NRXN3: variants seen among roughly 807,000 people sequenced by gnomAD.
The protein encoded by NRXN3 is neurexin III.
Under a neutral mutation model 137.6 loss-of-function variants are expected in NRXN3, and 32 were observed. That is an observed-to-expected ratio of 0.23 (90% CI 0.18 to 0.31). NRXN3 has a LOEUF of 0.31. Ranked by LOEUF, NRXN3 falls within the 10% of genes least tolerant of loss-of-function variation. The pLI is 1.00. For missense variants in NRXN3, 1,574 were observed against 2,062.5 expected, an observed-to-expected ratio of 0.76 and a Z score of 4.59; for synonymous variants, 798 against 784.5, an observed-to-expected ratio of 1.02 and a Z score of -0.29.
intron 15 of NRXN3, among the ~76,000 whole-genome samples, chr14:79,011,627 G>C (rs2099571485): frequency 6.6e-6 from 1 of 152,038 alleles, no homozygotes; most frequent in Non-Finnish European, 1.5e-5. Context: ...ATCAATAAAT[G>C]GAACTAGTGA....
At chr14:79,770,679 T>C (rs958238606) in intron 19 of NRXN3, among the ~76,000 whole-genome samples, 1 of 147,400 alleles carries the variant, frequency 6.8e-6, no homozygotes, top group African/African-American at 2.5e-5. Context: ...GCAGGAAAGA[T>C]CCAAAATTGA....
chr14:79,266,327 GCC>G (rs944352801), intron 15 of NRXN3, among the ~76,000 whole-genome samples: 35 of 151,820 alleles, frequency 2.3e-4, no homozygotes, highest in African/African-American at 8.5e-4. Flanking sequence ...CTTTTCAAAA[GCC>G]TTCTGATTTT....
At chr14:78,974,572 A>G (rs1430274646) in intron 14 of NRXN3, among the ~76,000 whole-genome samples, 1 of 152,174 alleles carries the variant, frequency 6.6e-6, no homozygotes, top group Non-Finnish European at 1.5e-5. Context: ...GTTTCCTTTT[A>G]TGGAAGCTGT....
chr14:79,690,770 G>A lies in NRXN3; in HGVS notation c.3617-1403G>A, dbSNP rs79038627. ...AAGGTAGGTACCAGTTTATTCCCAG[G>A]TGGAATCTCCTCAGCCAATAATGAC... On this transcript the variant is annotated intron_variant, in intron 17 of 20. Coordinates refer to ENST00000335750, the MANE Select transcript of NRXN3 (RefSeq NM_001330195.2). 4.8e-3 allele frequency among the ~76,000 whole-genome samples: 732 copies of A among 152,156 alleles called. 6 individuals are homozygous for A. The highest frequency in any genetic ancestry group is 0.017 in the African/African-American group (709 of 41,542).
chr14:79,181,500 T>C (rs559558906), intron 15 of NRXN3, among the ~76,000 whole-genome samples: 3 of 151,870 alleles, frequency 2.0e-5, no homozygotes, highest in South Asian at 4.2e-4. Context: ...CTGGCCAACA[T>C]GATGAAAACC....
intron 4 of NRXN3, among the ~76,000 whole-genome samples, chr14:78,621,247 A>G (rs919406642): frequency 1.3e-5 from 2 of 152,180 alleles, no homozygotes; most frequent in East Asian, 3.9e-4. Flanking sequence ...AAGAAATAAG[A>G]CAGCATTTTT....
chr14:79,769,063 A>G (rs1470157606), intron 19 of NRXN3, among the ~76,000 whole-genome samples: 1 of 152,030 alleles, frequency 6.6e-6, no homozygotes, highest in Non-Finnish European at 1.5e-5. Context: ...TGAGAAGGGA[A>G]GTTTAGAGAA....
chr14:78,301,265 G>A (rs921867253), intron 4 of NRXN3, among the ~76,000 whole-genome samples: 1 of 152,160 alleles, frequency 6.6e-6, no homozygotes, highest in Non-Finnish European at 1.5e-5. Context: ...AACTGGGAGG[G>A]TGTGAAAGAA....
At chr14:78,546,579 T>C (rs972925784) in intron 4 of NRXN3, among the ~76,000 whole-genome samples, 6 of 152,128 alleles carry the variant, frequency 3.9e-5, no homozygotes, top group Non-Finnish European at 7.4e-5. Flanking sequence ...CTTTAAAAAG[T>C]GTGTTTAGTT....
chr14:79,382,268 A>G (rs750024142), intron 15 of NRXN3, among the ~76,000 whole-genome samples: 13 of 152,310 alleles, frequency 8.5e-5, no homozygotes, highest in African/African-American at 2.2e-4. Context: ...TACCAAGACA[A>G]TTTTGGGTAA....
intron 4 of NRXN3, among the ~76,000 whole-genome samples, chr14:78,506,650 T>TG (rs1322859555): frequency 1.1e-4 from 5 of 46,516 alleles, no homozygotes; most frequent in Non-Finnish European, 4.3e-5. Flanking sequence ...GTAGTTTTTT[T>TG]TTTTTTTTTT....
At chr14:78,699,954 G>A (rs2098263593) in intron 6 of NRXN3, among the ~76,000 whole-genome samples, 1 of 152,174 alleles carries the variant, frequency 6.6e-6, no homozygotes, top group Non-Finnish European at 1.5e-5. Flanking sequence ...ATGACGCTTA[G>A]TTTAGAGGAT....
At chr14:79,697,999 G>C in intron 19 of NRXN3, 62 bp downstream of exon 19, 1 of 1,443,984 alleles carries the variant, frequency 6.9e-7, no homozygotes, top group East Asian at 2.3e-5. Flanking sequence ...TTGTTATCAT[G>C]GTCATTGCTT....
At chr14:79,452,652 A>G (rs774942286) in intron 15 of NRXN3, among the ~76,000 whole-genome samples, 4 of 152,176 alleles carry the variant, frequency 2.6e-5, no homozygotes, top group Non-Finnish European at 4.4e-5. Context: ...GAAACTTTCT[A>G]TTTTCTGGGG....
intron 10 of NRXN3, among the ~76,000 whole-genome samples, chr14:78,898,111 T>A (rs905592599): frequency 3.3e-5 from 5 of 151,948 alleles, no homozygotes; most frequent in Non-Finnish European, 5.9e-5. Context: ...CCTTCTTTTT[T>A]AATAAATCTA....
At chr14:79,294,268 C>T (rs958661855) in intron 15 of NRXN3, among the ~76,000 whole-genome samples, 1 of 152,112 alleles carries the variant, frequency 6.6e-6, no homozygotes, top group East Asian at 1.9e-4. Context: ...TGGTAAATAA[C>T]GTAGTGTGTT....
chr14:79,331,305 C>T lies in NRXN3; in HGVS notation c.3263-135916C>T, dbSNP rs115011495. Among the ~76,000 whole-genome samples the T allele has an allele frequency of 7.3e-4, 111 of 152,228 alleles. 1 individual carries two copies. The highest frequency in any genetic ancestry group is 2.6e-3 in the African/African-American group (110 of 41,538). On this transcript the variant is annotated intron_variant, in intron 15 of 20. Transcript: ENST00000335750. ...GCTTATGCACAAGGTATAAAAGTTG[C>T]TTATATTCCTAACCTCTCCACAGAG...
intron 16 of NRXN3, among the ~76,000 whole-genome samples, chr14:79,636,711 A>T (rs1244550016): frequency 1.3e-5 from 2 of 152,178 alleles, no homozygotes; most frequent in African/African-American, 2.4e-5. Flanking sequence ...GAAGTGTAAA[A>T]TGCTGGAGGG....
At chr14:79,788,462 A>G (rs892628133) in intron 19 of NRXN3, among the ~76,000 whole-genome samples, 1 of 151,958 alleles carries the variant, frequency 6.6e-6, no homozygotes, top group African/African-American at 2.4e-5. Context: ...AATAATAAGT[A>G]ACACTATTAA....
Sources: allele counts gnomAD v4.1 joint callset (sites outside exome capture counted in the v4.1 genomes callset), GRCh38; gene constraint gnomAD v4.1.1; transcripts MANE v1.5; gene names NCBI Gene and HGNC (gene_info 2026-07-23, HGNC 2026-07-21).